The following PCP4L1 variants were observed in gnomAD, a reference collection of about 807,000 sequenced individuals.
The protein encoded by PCP4L1 is Purkinje cell protein 4-like protein 1.
In PCP4L1, 9 loss-of-function variants were observed where a neutral mutation model predicts 9.6. The observed-to-expected ratio is 0.94, with a 90% CI of 0.57 to 1.64. PCP4L1 has a LOEUF of 1.64. PCP4L1 is among the 40% of genes most tolerant of loss of function. PCP4L1 has a pLI of 0.00. For missense variants in PCP4L1, 81 were observed against 80.8 expected, an observed-to-expected ratio of 1.00 and a Z score of -0.01; for synonymous variants, 31 against 28.2, an observed-to-expected ratio of 1.10 and a Z score of -0.31.
intron 1 of PCP4L1, among the ~76,000 whole-genome samples, chr1:161,274,675 G>C (rs140050592): frequency 0.011 from 1,612 of 152,280 alleles, 38 homozygotes; most frequent in African/African-American, 0.035. Flanking sequence ...AGAGACCAGA[G>C]ACTAATAAAG....
At chr1:161,262,234 A>C (rs1353223849) in intron 1 of PCP4L1, among the ~76,000 whole-genome samples, 1 of 152,016 alleles carries the variant, frequency 6.6e-6, no homozygotes, top group African/African-American at 2.4e-5. Context: ...GGAGATCGAG[A>C]CCATCCTGGC....
rs573684115 is a variant in PCP4L1 at position 161,284,443 on chromosome 1, C to T, written c.169C>T (p.Arg57Trp). 9.5e-5 allele frequency: 153 copies of T among 1,613,912 alleles called. No homozygotes were observed. Among genetic ancestry groups the T allele is most frequent in the Admixed American group, 2.5e-4 (15 of 60,008 alleles). Residue 57 changes from arginine (R) to tryptophan (W), a missense_variant, in exon 3 of 3, where the codon CGG becomes TGG. By Grantham distance (101) the Arg-to-Trp change is moderately radical. Coordinates refer to ENST00000504449, the MANE Select transcript of PCP4L1 (RefSeq NM_001102566.2). ...TGCCCTTGCTATTCAGGGCAAGTTCCGGCGATTTCAGAAAAGGAAAAAGGA... is the reference window on the plus strand; with the variant it reads ...TGCCCTTGCTATTCAGGGCAAGTTCTGGCGATTTCAGAAAAGGAAAAAGGA... The part of the protein sequence containing the change: ...KAALAIQGKF[R>W]RFQKRKKDPS...
At chr1:161,263,560 T>C (rs1457598694) in intron 1 of PCP4L1, among the ~76,000 whole-genome samples, 1 of 151,504 alleles carries the variant, frequency 6.6e-6, no homozygotes, top group Non-Finnish European at 1.5e-5. Context: ...GATTAGCATG[T>C]AAACTTTTAA....
At chr1:161,282,259 C>T (rs1422541312) in intron 1 of PCP4L1, among the ~76,000 whole-genome samples, 2 of 152,088 alleles carry the variant, frequency 1.3e-5, no homozygotes, top group Non-Finnish European at 2.9e-5. Context: ...TGGCGGCGCG[C>T]GCCTGCAATA....
At chr1:161,267,329 G>T (rs1312654952) in intron 1 of PCP4L1, among the ~76,000 whole-genome samples, 1 of 152,178 alleles carries the variant, frequency 6.6e-6, no homozygotes, top group African/African-American at 2.4e-5. Context: ...GCAAATACAG[G>T]TATAGGTAGT....
At chr1:161,260,472 ACTC>A (rs1251645685) in intron 1 of PCP4L1, among the ~76,000 whole-genome samples, 3 of 151,902 alleles carry the variant, frequency 2.0e-5, no homozygotes, top group African/African-American at 7.2e-5. Context: ...GGTTCATACT[ACTC>A]CTCCCACCCC....
At chr1:161,282,427 G>A (rs971194180) in intron 1 of PCP4L1, among the ~76,000 whole-genome samples, 11 of 146,020 alleles carry the variant, frequency 7.5e-5, no homozygotes, top group African/African-American at 2.5e-4. Context: ...AGGGGGAGGG[G>A]GAGGGAGAGG....
chr1:161,264,383 G>A (rs190403873), intron 1 of PCP4L1, among the ~76,000 whole-genome samples: 1 of 152,192 alleles, frequency 6.6e-6, no homozygotes, highest in East Asian at 2.0e-4. Context: ...CAGGTGTGGT[G>A]GCAGCCACCT....
At chr1:161,270,373 C>T (rs1054010414) in intron 1 of PCP4L1, among the ~76,000 whole-genome samples, 1 of 152,000 alleles carries the variant, frequency 6.6e-6, no homozygotes, top group African/African-American at 2.4e-5. Flanking sequence ...TGGGTTGTTA[C>T]AATTGCTCAT....
At position 161,258,941 on chromosome 1, in the gene PCP4L1, T is replaced by G; in HGVS notation, c.-34T>G. On this transcript the variant is annotated 5_prime_UTR_variant, in exon 1 of 3. Coordinates refer to ENST00000504449, the MANE Select transcript of PCP4L1 (RefSeq NM_001102566.2). ...GAGGGCCACTCGCCTCACCTGTGCGTGCAGCGCCTCGCGCGCCCTGTCCGG... is the reference window on the plus strand; with the variant it reads ...GAGGGCCACTCGCCTCACCTGTGCGGGCAGCGCCTCGCGCGCCCTGTCCGG... 2 of 1,534,816 alleles carry G rather than the reference T, an allele frequency of 1.3e-6. No individual in the cohort carries two copies. Among genetic ancestry groups the G allele is most frequent in the Admixed American group, 3.9e-5 (2 of 50,930 alleles).
At chr1:161,281,760 G>T (rs1448238127) in intron 1 of PCP4L1, among the ~76,000 whole-genome samples, 1 of 28,504 alleles carries the variant, frequency 3.5e-5, no homozygotes, top group African/African-American at 3.7e-4. Context: ...GGTCACGGCC[G>T]GGCAGAGGCG....
chr1:161,260,264 G>A (rs566204580), intron 1 of PCP4L1, among the ~76,000 whole-genome samples: 2 of 152,264 alleles, frequency 1.3e-5, no homozygotes, highest in South Asian at 2.1e-4. Context: ...CTTGGTTGCC[G>A]TGTTCACTAA....
At chr1:161,275,309 G>T (rs1196224869) in intron 1 of PCP4L1, among the ~76,000 whole-genome samples, 2 of 152,038 alleles carry the variant, frequency 1.3e-5, no homozygotes, top group Non-Finnish European at 2.9e-5. Context: ...GAGGTCAGGA[G>T]ATCAAGACCA....
chr1:161,276,715 G>A (rs369058055), intron 1 of PCP4L1, among the ~76,000 whole-genome samples: 2,735 of 105,948 alleles, frequency 0.026, 89 homozygotes, highest in African/African-American at 0.088. Context: ...GTGTGTGTGT[G>A]TATATATATA....
At chr1:161,282,077 T>C (rs1377958344) in intron 1 of PCP4L1, among the ~76,000 whole-genome samples, 3 of 152,174 alleles carry the variant, frequency 2.0e-5, no homozygotes, top group African/African-American at 7.2e-5. Context: ...ATCATGCCAC[T>C]GCACTCCAGC....
intron 1 of PCP4L1, among the ~76,000 whole-genome samples, chr1:161,267,003 G>A (rs1026336951): frequency 6.6e-6 from 1 of 152,120 alleles, no homozygotes; most frequent in Non-Finnish European, 1.5e-5. Flanking sequence ...GAGTGGGAGG[G>A]TGCAAAGCCT....
intron 1 of PCP4L1, among the ~76,000 whole-genome samples, chr1:161,261,392 T>C (rs913659607): frequency 6.6e-6 from 1 of 152,184 alleles, no homozygotes; most frequent in African/African-American, 2.4e-5. Context: ...ATTACTGCAG[T>C]AGAGCATTTC....
At chr1:161,271,328 G>A (rs1049973428) in intron 1 of PCP4L1, among the ~76,000 whole-genome samples, 3 of 152,184 alleles carry the variant, frequency 2.0e-5, no homozygotes, top group Admixed American at 6.5e-5. Context: ...TTTCATGTGC[G>A]TGTCATCCAT....
intron 1 of PCP4L1, among the ~76,000 whole-genome samples, chr1:161,277,976 T>G (rs1669729585): frequency 1.3e-5 from 2 of 152,224 alleles, no homozygotes; most frequent in South Asian, 4.1e-4. Context: ...AAACTGTCTG[T>G]ATTCTTATCG....
Sources: gnomAD v4.1 joint callset for allele counts (sites outside exome capture counted in the v4.1 genomes callset) on GRCh38, gnomAD v4.1.1 for gene constraint, MANE v1.5 for transcripts, NCBI Gene and HGNC (gene_info 2026-07-23, HGNC 2026-07-21) for gene names.